The following RFTN1 variants were observed in gnomAD, a reference collection of about 807,000 sequenced individuals.
RFTN1 encodes raftlin, lipid raft linker 1, also known as raftlin.
RFTN1 carries 26 observed loss-of-function variants against 46.5 expected under a neutral mutation model. That is an observed-to-expected ratio of 0.56 (90% CI 0.41 to 0.78). The LOEUF (loss-of-function observed/expected upper bound fraction) is 0.78. RFTN1 is among the 30% of genes least tolerant of loss of function. The probability of loss-of-function intolerance (pLI) is 0.00; values close to 1 mark genes in which losing one functional copy is unlikely to be tolerated. For missense variants in RFTN1, 693 were observed against 718.7 expected (o/e 0.96, Z 0.41); for synonymous variants, 261 against 284.2 (o/e 0.92, Z 0.82).
Position 16,509,557 on chromosome 3 carries a change from A to G in RFTN1, c.-9+3885T>C, listed in dbSNP as rs1170163105. On this transcript the variant is annotated intron_variant, in intron 1 of 9. Coordinates refer to ENST00000334133, the MANE Select transcript of RFTN1 (RefSeq NM_015150.2). This position sits in a 1 kb window ranked among gnomAD's most constrained non-coding sequence, Gnocchi z 4.9. ...CACTCAGCAAGTGGCAGCTATAATT[A>G]TTTGTATTTTATTAACAATATTAAA... is the stretch of plus-strand genomic sequence containing the variant. 6.6e-6 allele frequency among the ~76,000 whole-genome samples: 1 copy of G among 152,218 alleles called. No homozygotes were observed.
intron 4 of RFTN1, among the ~76,000 whole-genome samples, chr3:16,386,363 C>T (rs150624988): frequency 1.3e-5 from 2 of 152,290 alleles, no homozygotes; most frequent in African/African-American, 2.4e-5. Context: ...AAAGGCTGTA[C>T]GTGGATTAAC....
Position 16,341,877 on chromosome 3 carries a change from T to C in RFTN1, c.1147-15001A>G, listed in dbSNP as rs995506514. ...AGTATGATACCATTTTTGTAAAAAA[T>C]ATGCAAATATAGATAGAATATACAC... On this transcript the variant is annotated intron_variant, in intron 7 of 9. Transcript: ENST00000334133. This position sits in a 1 kb window ranked among gnomAD's most constrained non-coding sequence, Gnocchi z 4.7. Among the ~76,000 whole-genome samples, 5 of 152,260 alleles carry C rather than the reference T, an allele frequency of 3.3e-5. No homozygotes were observed. Among genetic ancestry groups the C allele is most frequent in the Non-Finnish European group, 7.4e-5 (5 of 68,020 alleles).
chr3:16,331,178 A>G (rs1179587998), intron 7 of RFTN1, among the ~76,000 whole-genome samples: 1 of 152,202 alleles, frequency 6.6e-6, no homozygotes, highest in Non-Finnish European at 1.5e-5. Context: ...CAATTAGGGT[A>G]TGTAAGGGAG....
chr3:16,493,368 A>T (rs1255423196), intron 2 of RFTN1, among the ~76,000 whole-genome samples: 1 of 151,792 alleles, frequency 6.6e-6, no homozygotes, highest in Non-Finnish European at 1.5e-5. Context: ...AGTAGCTGGG[A>T]CTACAGGCAC....
At position 16,404,344 on chromosome 3, in the gene RFTN1, A is replaced by T. The variant is rs866477221; in HGVS notation, c.441+5031T>A. On this transcript the variant is annotated intron_variant, in intron 4 of 9. Transcript: ENST00000334133. ...ATAATATATAATATATAATATATAT[A>T]ATATATAATATATATACACAATATA... Among the ~76,000 whole-genome samples the T allele has an allele frequency of 3.1e-3, 78 of 25,254 alleles. 16 individuals carry two copies. The East Asian group carries it at 0.041, about 13-fold the overall frequency. The allele number at this position is 25,254 out of a possible 152,430, so 16.6% of individuals were successfully genotyped here.
At chr3:16,332,581 G>GT (rs1375692546) in intron 7 of RFTN1, among the ~76,000 whole-genome samples, 1 of 152,112 alleles carries the variant, frequency 6.6e-6, no homozygotes, top group Non-Finnish European at 1.5e-5. Context: ...TTTTAAACCA[G>GT]TACCCTGGTT....
rs1050054472 is a variant in RFTN1, at chr3:16,427,857, C to T, written c.332+5994G>A. On this transcript the variant is annotated intron_variant, in intron 3 of 9. Transcript: ENST00000334133. The surrounding 1 kb of genome is among the most constrained non-coding windows in gnomAD (Gnocchi z 5.4). ...CAATGTCAATAGTGGGAAGGCCCTT[C>T]CCACTTTTTCACTCCCTATTCCAGT... Among the ~76,000 whole-genome samples, 1 of 152,108 alleles carries T rather than the reference C, an allele frequency of 6.6e-6. No individual in the cohort carries two copies. Among genetic ancestry groups the T allele is most frequent in the Non-Finnish European group, 1.5e-5 (1 of 68,012 alleles).
Position 16,449,784 on chromosome 3 carries a change from C to T in RFTN1, c.146-15747G>A, listed in dbSNP as rs1031175474. ...ACGAGACAAAAGCCATGCTGACAGACTGCTGCCTCTGATTTGCACTGAACT... is the reference window on the plus strand; with the variant it reads ...ACGAGACAAAAGCCATGCTGACAGATTGCTGCCTCTGATTTGCACTGAACT... On this transcript the variant is annotated intron_variant, in intron 2 of 9. Coordinates refer to ENST00000334133, the MANE Select transcript of RFTN1 (RefSeq NM_015150.2). The surrounding 1 kb of genome is among the most constrained non-coding windows in gnomAD (Gnocchi z 5.1). Among the ~76,000 whole-genome samples the T allele has an allele frequency of 7.2e-5, 11 of 152,202 alleles. No individual in the cohort carries two copies. Among genetic ancestry groups the T allele is most frequent in the African/African-American group, 2.7e-4 (11 of 41,436 alleles).
At chr3:16,343,614 CAGGG>C (rs1559840522) in intron 7 of RFTN1, among the ~76,000 whole-genome samples, 2 of 152,216 alleles carry the variant, frequency 1.3e-5, no homozygotes, top group Non-Finnish European at 1.5e-5. Flanking sequence ...CTGAAGAAAA[CAGGG>C]AGAAGTCCTT....
At position 16,382,116 on chromosome 3, in the gene RFTN1, A is replaced by G. The variant is rs1437755052; in HGVS notation, c.442-4014T>C. Among the ~76,000 whole-genome samples the G allele has an allele frequency of 1.3e-5, 2 of 152,212 alleles. No homozygotes were observed. Among genetic ancestry groups the G allele is most frequent in the East Asian group, 1.9e-4 (1 of 5,200 alleles). ...ATTCACACCCCCAAGAAGAGGAAGC[A>G]TATTTGTAGCTCTGCTTATTTCCTT... is the stretch of plus-strand genomic sequence containing the variant. On this transcript the variant is annotated intron_variant, in intron 4 of 9. Coordinates refer to ENST00000334133, the MANE Select transcript of RFTN1 (RefSeq NM_015150.2). This position sits in a 1 kb window ranked among gnomAD's most constrained non-coding sequence, Gnocchi z 4.7.
At position 16,381,316 on chromosome 3, in the gene RFTN1, T is replaced by C. The variant is rs2073984812; in HGVS notation, c.442-3214A>G. Among the ~76,000 whole-genome samples, 2 of 152,212 alleles carry C rather than the reference T, an allele frequency of 1.3e-5. No individual in the cohort carries two copies. The highest frequency in any genetic ancestry group is 2.9e-5 in the Non-Finnish European group (2 of 68,032). On this transcript the variant is annotated intron_variant, in intron 4 of 9. Transcript: ENST00000334133. The surrounding 1 kb of genome is among the most constrained non-coding windows in gnomAD (Gnocchi z 4.2). ...ACTTAAGGGGCATGGATGTTACTTT[T>C]AGAATTGAAAAAGTAAATATTGTAA... is the stretch of plus-strand genomic sequence containing the variant.
intron 2 of RFTN1, among the ~76,000 whole-genome samples, chr3:16,488,899 T>G (rs768724749): frequency 6.6e-6 from 1 of 152,154 alleles, no homozygotes; most frequent in Non-Finnish European, 1.5e-5. Context: ...ACTTAACCTG[T>G]GATAGCCAAA....
intron 8 of RFTN1, among the ~76,000 whole-genome samples, chr3:16,324,531 T>C (rs945149029): frequency 1.2e-4 from 18 of 151,992 alleles, no homozygotes; most frequent in African/African-American, 4.4e-4. Flanking sequence ...GATTATAAGG[T>C]ATGTCATTCT....
chr3:16,403,315 C>G (rs1009582474), intron 4 of RFTN1, among the ~76,000 whole-genome samples: 10 of 151,676 alleles, frequency 6.6e-5, no homozygotes, highest in Non-Finnish European at 1.2e-4. Context: ...CTGCCATGCA[C>G]AGTTATAACA....
At chr3:16,412,078 C>T (rs943522515) in intron 3 of RFTN1, among the ~76,000 whole-genome samples, 2 of 152,198 alleles carry the variant, frequency 1.3e-5, no homozygotes, top group African/African-American at 4.8e-5. Context: ...AACTCAGTTA[C>T]ATCTGAACTG....
At chr3:16,502,404 G>GAAAGA (rs376852619) in intron 1 of RFTN1, among the ~76,000 whole-genome samples, 4 of 150,572 alleles carry the variant, frequency 2.7e-5, no homozygotes, top group African/African-American at 7.3e-5. Context: ...AAAAAAGAAA[G>GAAAGA]AAAGAAAAGA....
chr3:16,444,793 T>C (rs979064952), intron 2 of RFTN1, among the ~76,000 whole-genome samples: 2 of 152,254 alleles, frequency 1.3e-5, no homozygotes, highest in African/African-American at 4.8e-5. Flanking sequence ...AGTTTCACTT[T>C]GCAAACATTT....
rs975536366 is a variant in RFTN1, at chr3:16,327,381, G to A, written c.1147-505C>T. On this transcript the variant is annotated intron_variant, in intron 7 of 9. Coordinates refer to ENST00000334133, the MANE Select transcript of RFTN1 (RefSeq NM_015150.2). The surrounding 1 kb of genome is among the most constrained non-coding windows in gnomAD (Gnocchi z 4.2). ...AGAAGCTGCTTTGCCTGTGTTATGT[G>A]CCCTGCCTTGCAGGGATAAATGAAT... 4.6e-5 allele frequency among the ~76,000 whole-genome samples: 7 copies of A among 152,192 alleles called. No homozygotes were observed. The highest frequency in any genetic ancestry group is 1.7e-4 in the African/African-American group (7 of 41,446).
In RFTN1 at chr3:16,451,281, G is replaced by C. The variant is rs577604583; in HGVS notation, c.146-17244C>G. Reference sequence around the variant, plus strand: ...CGGAACAGCAGAACGTCTCATCAGTGACCTCCTCTTACCCACCACGTCAGA... The same window carrying C: ...CGGAACAGCAGAACGTCTCATCAGTCACCTCCTCTTACCCACCACGTCAGA... On this transcript the variant is annotated intron_variant, in intron 2 of 9. Transcript: ENST00000334133. The surrounding 1 kb of genome is among the most constrained non-coding windows in gnomAD (Gnocchi z 4.2). Among the ~76,000 whole-genome samples the C allele has an allele frequency of 6.6e-6, 1 of 152,246 alleles. No homozygotes were observed. The highest frequency in any genetic ancestry group is 1.9e-4 in the East Asian group (1 of 5,180).
Sources: gnomAD v4.1 joint callset for allele counts (sites outside exome capture counted in the v4.1 genomes callset) on GRCh38, gnomAD v4.1.1 for gene constraint, Gnocchi (gnomAD v3.1) non-coding constraint, MANE v1.5 for transcripts, NCBI Gene and HGNC (gene_info 2026-07-23, HGNC 2026-07-21) for gene names.